The following YES1 variants were observed in gnomAD, a reference collection of about 807,000 sequenced individuals.
YES1 encodes YES proto-oncogene 1, Src family tyrosine kinase.
A neutral mutation model predicts 70.4 loss-of-function variants in YES1; 39 were observed. That is an observed-to-expected ratio of 0.55 (90% CI 0.43 to 0.72). The LOEUF (loss-of-function observed/expected upper bound fraction) is 0.72. Ranked by LOEUF, YES1 falls within the 30% of genes least tolerant of loss-of-function variation. YES1 has a pLI of 0.00. For missense variants in YES1, 495 were observed against 644.8 expected (o/e 0.77, Z 2.52); for synonymous variants, 198 against 218.6 (o/e 0.91, Z 0.83).
At chr18:796,485 T>C (rs1476676985) in intron 1 of YES1, among the ~76,000 whole-genome samples, 2 of 152,134 alleles carry the variant, frequency 1.3e-5, no homozygotes, top group African/African-American at 4.8e-5. Flanking sequence ...AAACAAACAA[T>C]TAGGCCGGGT....
chr18:765,701 T>A (rs892773200), intron 1 of YES1, among the ~76,000 whole-genome samples: 2 of 152,094 alleles, frequency 1.3e-5, no homozygotes, highest in Non-Finnish European at 2.9e-5. Flanking sequence ...CCCGGCCAAT[T>A]TAACACTTTT....
intron 1 of YES1, among the ~76,000 whole-genome samples, chr18:760,315 C>T (rs1241893941): frequency 1.3e-5 from 2 of 152,018 alleles, no homozygotes; most frequent in East Asian, 3.9e-4. Context: ...ACTAAAAATA[C>T]AAAAGTTAGC....
intron 10 of YES1, among the ~76,000 whole-genome samples, chr18:733,341 G>A (rs2080113355): frequency 6.6e-6 from 1 of 152,176 alleles, no homozygotes; most frequent in South Asian, 2.1e-4. Flanking sequence ...ATTCTATTGA[G>A]TTATAATGTT....
At chr18:798,667 A>G (rs1906663899) in intron 1 of YES1, among the ~76,000 whole-genome samples, 1 of 152,134 alleles carries the variant, frequency 6.6e-6, no homozygotes, top group South Asian at 2.1e-4. Context: ...TGGACATATA[A>G]TACTTTTCTA....
At chr18:761,342 C>A (rs567222808) in intron 1 of YES1, among the ~76,000 whole-genome samples, 6 of 151,928 alleles carry the variant, frequency 3.9e-5, no homozygotes, top group Admixed American at 2.6e-4. Flanking sequence ...AAGAAAACAG[C>A]ATTAATTATT....
chr18:722,909 G>C lies in YES1; in HGVS notation c.*1515C>G, dbSNP rs377417798. 1.3e-5 allele frequency: 2 copies of C among 152,170 alleles called. No homozygotes were observed. Among genetic ancestry groups the C allele is most frequent in the Non-Finnish European group, 2.9e-5 (2 of 68,058 alleles). 9.4% of individuals were successfully genotyped at this position (152,170 alleles called of 1,614,324 possible). A position where few individuals can be genotyped will look rare whatever the true frequency, so the allele number is the denominator to read the frequency against. The stretch of plus-strand genomic sequence containing the variant: ...AGATCGAGACTATCCTGGCTAACAC[G>C]GTGAAACTGCGTCTCTACTAAAAAT... On this transcript the variant is annotated 3_prime_UTR_variant, in exon 12 of 12. Coordinates refer to ENST00000314574, the MANE Select transcript of YES1 (RefSeq NM_005433.4).
At chr18:741,086 C>T (rs1341857846) in intron 8 of YES1, among the ~76,000 whole-genome samples, 1 of 151,854 alleles carries the variant, frequency 6.6e-6, no homozygotes, top group Non-Finnish European at 1.5e-5. Context: ...TTAGCAGAGA[C>T]GGGGTTTCGC....
intron 1 of YES1, among the ~76,000 whole-genome samples, chr18:780,557 G>T (rs1455990937): frequency 4.6e-5 from 7 of 152,134 alleles, no homozygotes; most frequent in Non-Finnish European, 1.0e-4. Flanking sequence ...GGACTTCTCT[G>T]CCTCCAGATC....
intron 11 of YES1, among the ~76,000 whole-genome samples, chr18:728,099 G>A (rs1379937855): frequency 6.6e-6 from 1 of 152,168 alleles, no homozygotes; most frequent in African/African-American, 2.4e-5. Flanking sequence ...ACTTTGGGAG[G>A]ACAGGGCAGG....
At chr18:765,247 A>AATATATATATATATAT (rs1568204656) in intron 1 of YES1, among the ~76,000 whole-genome samples, 2 of 62,364 alleles carry the variant, frequency 3.2e-5, no homozygotes, top group African/African-American at 1.1e-4. Flanking sequence ...AAGAGTTACA[A>AATATATATATATATAT]CTATATATAT....
At chr18:741,696 AG>A (rs1231675893) in intron 8 of YES1, among the ~76,000 whole-genome samples, 1 of 152,126 alleles carries the variant, frequency 6.6e-6, no homozygotes. Context: ...CCAGCTACTC[AG>A]GAGGCTGAGA....
chr18:763,132 TC>T (rs1304578442), intron 1 of YES1, among the ~76,000 whole-genome samples: 1 of 152,114 alleles, frequency 6.6e-6, no homozygotes, highest in Non-Finnish European at 1.5e-5. Flanking sequence ...ACAGAAAATT[TC>T]TCTGTTCCAA....
intron 8 of YES1, 47 bp downstream of exon 8, chr18:742,871 T>C: frequency 6.8e-7 from 1 of 1,476,474 alleles, no homozygotes; most frequent in Non-Finnish European, 9.0e-7. Flanking sequence ...ATCAAGACTC[T>C]TAAAAACATT....
intron 1 of YES1, among the ~76,000 whole-genome samples, chr18:762,234 C>T (rs769639923): frequency 6.6e-6 from 1 of 152,164 alleles, no homozygotes; most frequent in Non-Finnish European, 1.5e-5. Flanking sequence ...GCAGGAGAAT[C>T]GCTTGAACCC....
intron 11 of YES1, among the ~76,000 whole-genome samples, chr18:727,992 C>T (rs1192231113): frequency 6.6e-6 from 1 of 152,110 alleles, no homozygotes; most frequent in African/African-American, 2.4e-5. Context: ...GGAATATTTG[C>T]ATATACATAA....
Position 786,496 on chromosome 18 carries a change from T to TACACACACACACAC in YES1, c.-9+25604_-9+25617dup, listed in dbSNP as rs56410052. 2.6e-3 allele frequency among the ~76,000 whole-genome samples: 369 copies of TACACACACACACAC among 139,528 alleles called. 3 individuals carry two copies. The highest frequency in any genetic ancestry group is 0.014 in the East Asian group (66 of 4,672). 91.5% of individuals were successfully genotyped at this position (139,528 alleles called of 152,430 possible). A position where few individuals can be genotyped will look rare whatever the true frequency, so the allele number is the denominator to read the frequency against. ...ATAAACATCATCATTAATAAGTCCA[T>TACACACACACACAC]ACACACACACACACACACACACACA... On this transcript the variant is annotated intron_variant, in intron 1 of 11. Transcript: ENST00000314574.
intron 8 of YES1, 91 bp from the exon 9 acceptor site, chr18:739,902 A>C: frequency 3.2e-6 from 3 of 933,930 alleles, no homozygotes; most frequent in East Asian, 2.8e-5. Flanking sequence ...CACAACACAA[A>C]ACTTCTTAGC....
intron 1 of YES1, among the ~76,000 whole-genome samples, chr18:765,667 G>T (rs1904874099): frequency 6.6e-6 from 1 of 151,692 alleles, no homozygotes; most frequent in East Asian, 1.9e-4. Flanking sequence ...CAAAGTGCTG[G>T]GATTACAGGC....
In YES1 at chr18:780,527, A is replaced by G. The variant is rs538894297; in HGVS notation, c.-8-23692T>C. Among the ~76,000 whole-genome samples the G allele has an allele frequency of 1.1e-3, 167 of 152,248 alleles. 1 individual carries two copies. The highest frequency in any genetic ancestry group is 3.8e-3 in the African/African-American group (159 of 41,546). On this transcript the variant is annotated intron_variant, in intron 1 of 11. Coordinates refer to ENST00000314574, the MANE Select transcript of YES1 (RefSeq NM_005433.4). ...TCCTACCAGCAAGAAAGCCCTTCTC[A>G]TATGCCACCCCATGACCTTGGACTT...
Sources: gnomAD v4.1 joint callset for allele counts (sites outside exome capture counted in the v4.1 genomes callset) on GRCh38, gnomAD v4.1.1 for gene constraint, MANE v1.5 for transcripts, NCBI Gene and HGNC (gene_info 2026-07-23, HGNC 2026-07-21) for gene names.